RBFOX1: variants seen among roughly 807,000 people sequenced by gnomAD.
RBFOX1 encodes RNA binding protein fox-1 homolog 1.
A neutral mutation model predicts 57.7 loss-of-function variants in RBFOX1; 8 were observed. The observed-to-expected ratio is 0.14, with a 90% CI of 0.08 to 0.25. The LOEUF (loss-of-function observed/expected upper bound fraction) is 0.25, where lower values mean the gene tolerates loss of function less well. Ranked by LOEUF, RBFOX1 falls within the 10% of genes least tolerant of loss-of-function variation. The pLI, the probability that RBFOX1 is intolerant of heterozygous loss-of-function variation, is 1.00. For synonymous variants in RBFOX1, 326 were observed against 222.4 expected (o/e 1.47, Z -4.15); for missense variants, 611 against 548.5 (o/e 1.11, Z -1.14).
At chr16:5,241,791 G>T (rs1234595041) in intron 1 of RBFOX1, among the ~76,000 whole-genome samples, 11 of 152,132 alleles carry the variant, frequency 7.2e-5, no homozygotes, top group Admixed American at 7.2e-4. Context: ...GTTTTGTTCT[G>T]GGGTGCATCA....
At chr16:6,305,308 A>T (rs1033506862) in intron 1 of RBFOX1, among the ~76,000 whole-genome samples, 1 of 152,200 alleles carries the variant, frequency 6.6e-6, no homozygotes, top group African/African-American at 2.4e-5. Flanking sequence ...TAATCTGTGA[A>T]TTGGAGATAA....
In RBFOX1 at chr16:6,179,191, T is replaced by C. The variant is rs78826065; in HGVS notation, c.-126-137804T>C. On this transcript the variant is annotated intron_variant, in intron 1 of 15. Coordinates refer to ENST00000550418, the MANE Select transcript of RBFOX1 (RefSeq NM_018723.4). ...ACTCCTGCATGCTTGAGATGAGCAG[T>C]GGAGACGACAGTGGGGCTGTCTTCT... is the stretch of plus-strand genomic sequence containing the variant. Among the ~76,000 whole-genome samples, 517 of 152,268 alleles carry C rather than the reference T, an allele frequency of 3.4e-3. 3 individuals carry two copies. Among genetic ancestry groups the C allele is most frequent in the Middle Eastern group, 0.024 (7 of 294 alleles).
chr16:6,764,588 A>G (rs551955098), intron 3 of RBFOX1, among the ~76,000 whole-genome samples: 2 of 152,286 alleles, frequency 1.3e-5, no homozygotes, highest in South Asian at 4.2e-4. Flanking sequence ...TTCTACTTGG[A>G]TATACTAGGG....
chr16:7,005,532 T>G (rs2093221606), intron 3 of RBFOX1, among the ~76,000 whole-genome samples: 1 of 152,210 alleles, frequency 6.6e-6, no homozygotes, highest in African/African-American at 2.4e-5. Flanking sequence ...TGATAAGTGT[T>G]CTGTAATTTT....
At chr16:5,373,310 C>T (rs7203815) in intron 1 of RBFOX1, among the ~76,000 whole-genome samples, 22,827 of 152,098 alleles carry the variant, frequency 0.15, 2,170 homozygotes, top group Non-Finnish European at 0.2. Context: ...AAGCAAATTT[C>T]GTGTCGAATT....
intron 3 of RBFOX1, among the ~76,000 whole-genome samples, chr16:6,994,848 G>A (rs542470745): frequency 2.4e-4 from 37 of 152,200 alleles, no homozygotes; most frequent in African/African-American, 8.4e-4. Context: ...TTTGATGGTA[G>A]ACACAAGGTG....
At chr16:6,891,851 C>G (rs938495273) in intron 3 of RBFOX1, among the ~76,000 whole-genome samples, 1 of 152,166 alleles carries the variant, frequency 6.6e-6, no homozygotes, top group African/African-American at 2.4e-5. Context: ...ATTATAGCTA[C>G]TTAGTGGACA....
intron 1 of RBFOX1, among the ~76,000 whole-genome samples, chr16:5,381,327 T>C (rs959904897): frequency 1.2e-4 from 18 of 152,234 alleles, no homozygotes; most frequent in Non-Finnish European, 2.4e-4. Context: ...GTGACGACAA[T>C]ACAAATAATT....
intron 4 of RBFOX1, among the ~76,000 whole-genome samples, chr16:7,442,013 G>A (rs1000884376): frequency 1.3e-5 from 2 of 152,224 alleles, no homozygotes; most frequent in Non-Finnish European, 2.9e-5. Flanking sequence ...GCACAAATGA[G>A]CTTTTCCCCT....
chr16:7,306,471 T>G (rs1057312407), intron 4 of RBFOX1, among the ~76,000 whole-genome samples: 1 of 152,084 alleles, frequency 6.6e-6, no homozygotes, highest in Non-Finnish European at 1.5e-5. Context: ...GGAGGGTGGA[T>G]TTTGAAATGT....
chr16:6,188,478 A>G (rs1448708530), intron 1 of RBFOX1, among the ~76,000 whole-genome samples: 1 of 151,406 alleles, frequency 6.6e-6, no homozygotes, highest in Non-Finnish European at 1.5e-5. Flanking sequence ...CTGGCTGGCA[A>G]CCTTTCTCTG....
At chr16:7,506,605 C>T (rs1053792232) in intron 4 of RBFOX1, among the ~76,000 whole-genome samples, 5 of 141,720 alleles carry the variant, frequency 3.5e-5, no homozygotes, top group Non-Finnish European at 7.4e-5. Context: ...TCATCATCAT[C>T]ACCACCACCA....
intron 1 of RBFOX1, among the ~76,000 whole-genome samples, chr16:6,125,371 A>G (rs2096582024): frequency 6.6e-6 from 1 of 152,254 alleles, no homozygotes; most frequent in African/African-American, 2.4e-5. Context: ...AAAGCAATAG[A>G]ATAGGTGTTG....
chr16:5,801,733 A>G (rs2055063706), intron 3 of RBFOX1, among the ~76,000 whole-genome samples: 1 of 151,184 alleles, frequency 6.6e-6, no homozygotes, highest in African/African-American at 2.5e-5. Flanking sequence ...TGGTGGGTTT[A>G]TCCAACAACA....
intron 1 of RBFOX1, among the ~76,000 whole-genome samples, chr16:5,287,121 A>G (rs989462622): frequency 6.6e-6 from 1 of 152,192 alleles, no homozygotes. Context: ...CTTGGGCAAT[A>G]TAGTGAGACC....
intron 3 of RBFOX1, among the ~76,000 whole-genome samples, chr16:5,771,384 A>G (rs943094692): frequency 5.3e-5 from 8 of 152,130 alleles, no homozygotes; most frequent in Admixed American, 3.9e-4. Context: ...GTATCTCAAG[A>G]TAAGTATTTC....
chr16:5,513,441 G>A (rs2043678285), intron 2 of RBFOX1, among the ~76,000 whole-genome samples: 2 of 152,170 alleles, frequency 1.3e-5, no homozygotes, highest in Admixed American at 6.5e-5. Context: ...TCACCTGCCT[G>A]AAGCTGTGTT....
At chr16:5,307,733 G>A (rs35412724) in intron 1 of RBFOX1, among the ~76,000 whole-genome samples, 22,061 of 152,104 alleles carry the variant, frequency 0.15, 1,794 homozygotes, top group Non-Finnish European at 0.19. Context: ...TGGAGTGCAG[G>A]CACCATCATA....
At chr16:7,654,050 C>T (rs767331437) in intron 12 of RBFOX1, 103 bp downstream of exon 12, 5 of 1,261,740 alleles carry the variant, frequency 4.0e-6, no homozygotes, top group Non-Finnish European at 4.2e-6. Context: ...TCCCCCTCCG[C>T]CACCCCCAGA....
Sources: gnomAD v4.1 joint callset for allele counts (sites outside exome capture counted in the v4.1 genomes callset) on GRCh38, gnomAD v4.1.1 for gene constraint, MANE v1.5 for transcripts, NCBI Gene and HGNC (gene_info 2026-07-23, HGNC 2026-07-21) for gene names.